ROBO1: variants seen among roughly 807,000 people sequenced by gnomAD.
ROBO1 encodes the protein roundabout guidance receptor 1.
ROBO1 carries 149 observed loss-of-function variants against 195.9 expected under a neutral mutation model. The ratio of observed to expected loss-of-function variants is 0.76; its 90% CI spans 0.67 to 0.87. ROBO1 has a LOEUF of 0.87. Among genes scored for constraint, ROBO1 ranks in the 40% least tolerant of loss-of-function variants. ROBO1 has a pLI of 0.00. For synonymous variants in ROBO1, 816 were observed against 733.2 expected (o/e 1.11, Z -1.82); for missense variants, 1,933 against 2,068.3 (o/e 0.93, Z 1.27).
chr3:79,172,131 A>G (rs963763610), intron 2 of ROBO1, among the ~76,000 whole-genome samples: 1 of 152,076 alleles, frequency 6.6e-6, no homozygotes, highest in Non-Finnish European at 1.5e-5. Context: ...AGGTACCTCA[A>G]TTTGCTCTAA....
intron 4 of ROBO1, among the ~76,000 whole-genome samples, chr3:78,777,593 A>G (rs982277051): frequency 2.0e-5 from 3 of 152,240 alleles, no homozygotes; most frequent in African/African-American, 7.2e-5. Flanking sequence ...CTGTTTGAGC[A>G]CATACCTTAT....
intron 1 of ROBO1, among the ~76,000 whole-genome samples, chr3:79,627,130 A>G (rs1346168122): frequency 6.6e-6 from 1 of 152,172 alleles, no homozygotes; most frequent in Non-Finnish European, 1.5e-5. Context: ...GAAATTCTAC[A>G]CAGAATTAGA....
At chr3:79,226,103 T>C (rs1006079293) in intron 2 of ROBO1, among the ~76,000 whole-genome samples, 3 of 152,210 alleles carry the variant, frequency 2.0e-5, no homozygotes, top group African/African-American at 7.2e-5. Context: ...TTTATCTAGT[T>C]CAAATCACCA....
intron 3 of ROBO1, among the ~76,000 whole-genome samples, chr3:78,981,618 T>C (rs1576507202): frequency 6.6e-6 from 1 of 152,228 alleles, no homozygotes; most frequent in East Asian, 1.9e-4. Context: ...TCCCTTTTCC[T>C]CTACCCTTAA....
At chr3:78,991,970 T>C (rs1297104926) in intron 3 of ROBO1, among the ~76,000 whole-genome samples, 1 of 151,966 alleles carries the variant, frequency 6.6e-6, no homozygotes, top group African/African-American at 2.4e-5. Context: ...GAAAAATGAA[T>C]AGAGAACTAG....
At chr3:79,150,432 TTG>T (rs569443342) in intron 2 of ROBO1, among the ~76,000 whole-genome samples, 296 of 151,856 alleles carry the variant, frequency 1.9e-3, no homozygotes, top group Admixed American at 3.2e-3. Flanking sequence ...TTATGTTGGG[TTG>T]TGTTTCAGCT....
At chr3:79,757,326 G>A (rs188176595) in intron 1 of ROBO1, among the ~76,000 whole-genome samples, 1 of 152,184 alleles carries the variant, frequency 6.6e-6, no homozygotes, top group African/African-American at 2.4e-5. Context: ...CATTAACATT[G>A]TGATCATTTA....
chr3:79,076,843 A>G (rs2079182408), intron 3 of ROBO1, among the ~76,000 whole-genome samples: 1 of 151,838 alleles, frequency 6.6e-6, no homozygotes, highest in Non-Finnish European at 1.5e-5. Context: ...TGTAGAGGGA[A>G]ATTCAAGTTT....
In ROBO1 at chr3:78,639,238, C is replaced by T. The variant is rs141618840; in HGVS notation, c.3037+506G>A. On this transcript the variant is annotated intron_variant, in intron 22 of 30. Transcript: ENST00000464233. ...TTGGGAAGCCGAGGTGAATGGATCA[C>T]GTGAGGCCAGGAGTTCGAGGCCAGC... Among the ~76,000 whole-genome samples the T allele has an allele frequency of 8.4e-3, 1,279 of 152,160 alleles. 23 individuals carry two copies. Among genetic ancestry groups the T allele is most frequent in the African/African-American group, 0.029 (1,205 of 41,502 alleles).
chr3:79,241,773 C>T (rs868267643), intron 2 of ROBO1, among the ~76,000 whole-genome samples: 21 of 150,698 alleles, frequency 1.4e-4, no homozygotes, highest in Non-Finnish European at 2.5e-4. Flanking sequence ...TATGTATTTT[C>T]CCTGAAAATG....
chr3:79,180,104 T>A lies in ROBO1; in HGVS notation c.89-54565A>T, dbSNP rs373413093. 8.5e-5 allele frequency among the ~76,000 whole-genome samples: 13 copies of A among 152,324 alleles called. No individual in the cohort carries two copies. The East Asian group carries it at 1.5e-3, about 18-fold the overall frequency. On this transcript the variant is annotated intron_variant, in intron 2 of 30. Coordinates refer to ENST00000464233, the MANE Select transcript of ROBO1 (RefSeq NM_002941.4). Reference sequence around the variant, plus strand: ...TAGTAACCTGTTCTTCAGAGTTATTTAAGATACAAATATGATCACACTGTT... The same window carrying A: ...TAGTAACCTGTTCTTCAGAGTTATTAAAGATACAAATATGATCACACTGTT...
chr3:79,015,906 G>A (rs2077920201), intron 3 of ROBO1, among the ~76,000 whole-genome samples: 1 of 151,758 alleles, frequency 6.6e-6, no homozygotes, highest in Non-Finnish European at 1.5e-5. Context: ...AAAAAAGGAA[G>A]AAAAGAAAAA....
intron 2 of ROBO1, among the ~76,000 whole-genome samples, chr3:79,304,936 C>T (rs2109073522): frequency 6.6e-6 from 1 of 152,294 alleles, no homozygotes; most frequent in East Asian, 1.9e-4. Flanking sequence ...TACATAACTG[C>T]CAAACTGTTT....
At chr3:79,554,039 G>A (rs1294458556) in intron 2 of ROBO1, among the ~76,000 whole-genome samples, 1 of 151,912 alleles carries the variant, frequency 6.6e-6, no homozygotes, top group Non-Finnish European at 1.5e-5. Context: ...TATAATAGGT[G>A]AATAATAATG....
intron 4 of ROBO1, among the ~76,000 whole-genome samples, chr3:78,917,317 G>C (rs1355226798): frequency 6.6e-6 from 1 of 151,674 alleles, no homozygotes; most frequent in Non-Finnish European, 1.5e-5. Flanking sequence ...GGATGGTCTC[G>C]ACCTCCTGAC....
At chr3:78,744,398 C>T (rs1576070054) in intron 5 of ROBO1, among the ~76,000 whole-genome samples, 1 of 152,294 alleles carries the variant, frequency 6.6e-6, no homozygotes, top group South Asian at 2.1e-4. Flanking sequence ...TCTACCATTG[C>T]CACGTTTCAG....
rs575280633 is a variant in ROBO1 at position 79,191,472 on chromosome 3, T to C, written c.89-65933A>G. ...AAAACTCTTTGTATTATTTAGATTA[T>C]ATTTCACTTATAAGAACAGATTTGC... On this transcript the variant is annotated intron_variant, in intron 2 of 30. Transcript: ENST00000464233. Among the ~76,000 whole-genome samples the C allele has an allele frequency of 2.6e-5, 4 of 151,586 alleles. No homozygotes were observed. In the East Asian group the frequency reaches 5.8e-4, roughly 22 times the overall value.
intron 1 of ROBO1, among the ~76,000 whole-genome samples, chr3:79,750,889 T>C (rs1704102821): frequency 6.6e-6 from 1 of 152,210 alleles, no homozygotes; most frequent in South Asian, 2.1e-4. Context: ...AACTGTCACT[T>C]GCAGGTATTA....
intron 2 of ROBO1, among the ~76,000 whole-genome samples, chr3:79,146,988 G>A (rs1205860640): frequency 6.6e-6 from 1 of 151,842 alleles, no homozygotes; most frequent in Non-Finnish European, 1.5e-5. Flanking sequence ...TACTGAAATT[G>A]GTTTTAGAAA....
Sources: allele counts gnomAD v4.1 joint callset (sites outside exome capture counted in the v4.1 genomes callset), GRCh38; gene constraint gnomAD v4.1.1; transcripts MANE v1.5; gene names NCBI Gene and HGNC (gene_info 2026-07-23, HGNC 2026-07-21).